The following LANCL2 variants were observed in gnomAD, a reference collection of about 807,000 sequenced individuals.
LANCL2 encodes lanC-like protein 2.
A neutral mutation model predicts 56.9 loss-of-function variants in LANCL2; 33 were observed. The observed-to-expected ratio is 0.58, with a 90% CI of 0.44 to 0.78. The LOEUF is 0.78. LANCL2 is among the 30% of genes least tolerant of loss of function. LANCL2 has a pLI of 0.00. For synonymous variants in LANCL2, 233 were observed against 228.2 expected (o/e 1.02, Z -0.19); for missense variants, 562 against 580.2 (o/e 0.97, Z 0.32).
chr7:55,425,223 T>C (rs748360828), intron 6 of LANCL2, 31 bp from the exon 7 acceptor site: 1 of 1,606,664 alleles, frequency 6.2e-7, no homozygotes, highest in East Asian at 2.2e-5. Context: ...AAACTGTCTT[T>C]TTAACACTGC....
intron 2 of LANCL2, among the ~76,000 whole-genome samples, chr7:55,395,457 A>G (rs2128993139): frequency 6.6e-6 from 1 of 152,318 alleles, no homozygotes; most frequent in African/African-American, 2.4e-5. Context: ...TAAAGAAAAG[A>G]TAAAAAATCA....
intron 7 of LANCL2, among the ~76,000 whole-genome samples, chr7:55,427,712 G>C (rs1790680145): frequency 6.6e-6 from 1 of 152,220 alleles, no homozygotes; most frequent in Non-Finnish European, 1.5e-5. Context: ...TACTCCTCAT[G>C]TTTATTACTT....
At chr7:55,424,485 AG>A (rs762455501) in intron 6 of LANCL2, among the ~76,000 whole-genome samples, 7 of 152,180 alleles carry the variant, frequency 4.6e-5, no homozygotes, top group Non-Finnish European at 1.0e-4. Context: ...CCCTGCTAAC[AG>A]GGCCTCACTC....
At chr7:55,376,914 A>T (rs1159667829) in intron 1 of LANCL2, among the ~76,000 whole-genome samples, 2 of 152,236 alleles carry the variant, frequency 1.3e-5, no homozygotes, top group African/African-American at 4.8e-5. Context: ...CTAATCATCT[A>T]CATTTTATTT....
intron 1 of LANCL2, among the ~76,000 whole-genome samples, chr7:55,376,389 A>T (rs1790002932): frequency 1.3e-5 from 2 of 152,206 alleles, no homozygotes; most frequent in African/African-American, 4.8e-5. Context: ...ACAGCCCTGC[A>T]AAGCAAGCTC....
intron 1 of LANCL2, among the ~76,000 whole-genome samples, chr7:55,370,796 A>G (rs1335116499): frequency 1.3e-5 from 2 of 152,106 alleles, no homozygotes; most frequent in African/African-American, 2.4e-5. Context: ...GCATGACTGG[A>G]GAAGAGGGAG....
chr7:55,380,660 G>A (rs13239846), intron 1 of LANCL2, among the ~76,000 whole-genome samples: 41,815 of 151,482 alleles, frequency 0.28, 6,373 homozygotes, highest in Non-Finnish European at 0.35. Flanking sequence ...TATAGAGTGC[G>A]TTACAGTGAG....
chr7:55,408,042 A>T (rs1168829074), intron 5 of LANCL2, among the ~76,000 whole-genome samples: 2 of 152,268 alleles, frequency 1.3e-5, no homozygotes, highest in Non-Finnish European at 2.9e-5. Context: ...ACAAAGAGAA[A>T]GCAGGAAGTG....
At chr7:55,378,550 GTGTGTA>G (rs780946900) in intron 1 of LANCL2, among the ~76,000 whole-genome samples, 4 of 143,014 alleles carry the variant, frequency 2.8e-5, no homozygotes, top group Non-Finnish European at 6.3e-5. Context: ...GTGTGTGTGT[GTGTGTA>G]TGTAAATAAA....
At chr7:55,416,483 T>C (rs1790541197) in intron 6 of LANCL2, among the ~76,000 whole-genome samples, 1 of 151,990 alleles carries the variant, frequency 6.6e-6, no homozygotes, top group East Asian at 1.9e-4. Context: ...GGTCTTGTTT[T>C]TTGCCCAGGC....
chr7:55,379,194 A>T lies in LANCL2; in HGVS notation c.205-12599A>T, dbSNP rs1583743689. On this transcript the variant is annotated intron_variant, in intron 1 of 8. Coordinates refer to ENST00000254770, the MANE Select transcript of LANCL2 (RefSeq NM_018697.4). The stretch of plus-strand genomic sequence containing the variant: ...AAAACTCCAGTATCATTTATGAGGA[A>T]TGAAGGGTTAGTAGCATATGCTTTG... Among the ~76,000 whole-genome samples, 4 of 152,290 alleles carry T rather than the reference A, an allele frequency of 2.6e-5. No homozygotes were observed. The South Asian group carries it at 8.3e-4, about 32-fold the overall frequency.
At chr7:55,417,985 T>G (rs1790564505) in intron 6 of LANCL2, among the ~76,000 whole-genome samples, 2 of 152,120 alleles carry the variant, frequency 1.3e-5, no homozygotes, top group South Asian at 4.1e-4. Context: ...TGGCCAGAAC[T>G]GACATCTTAA....
chr7:55,373,845 G>A (rs1321444970), intron 1 of LANCL2, among the ~76,000 whole-genome samples: 1 of 152,234 alleles, frequency 6.6e-6, no homozygotes, highest in Non-Finnish European at 1.5e-5. Flanking sequence ...TGCTTTGGGA[G>A]TTCTGGGTGA....
intron 1 of LANCL2, among the ~76,000 whole-genome samples, chr7:55,373,330 T>G (rs189793149): frequency 0.012 from 1,813 of 151,920 alleles, 39 homozygotes; most frequent in African/African-American, 0.04. Context: ...TCATTCTGTT[T>G]CCCAGACTGG....
At position 55,425,369 on chromosome 7, in the gene LANCL2, A is replaced by G. The variant is rs751316049; in HGVS notation, c.1124A>G (p.Tyr375Cys). Reference sequence around the variant, plus strand: ...TGCCATGGGACTGCTGGCAACGGCTATTCCTTCCTGTCCCTTTACCGTCTC... The same window carrying G: ...TGCCATGGGACTGCTGGCAACGGCTGTTCCTTCCTGTCCCTTTACCGTCTC... ...GICHGTAGNG[Y>C]SFLSLYRLTQ... Residue 375 changes from tyrosine to cysteine, a missense_variant, in exon 7 of 9, where the codon TAT becomes TGT. This residue lies in a region of LANCL2 where 378 missense variants were observed against 468.4 expected (regional missense o/e 0.81). Coordinates refer to ENST00000254770, the MANE Select transcript of LANCL2 (RefSeq NM_018697.4). 2 of 1,614,172 alleles carry G rather than the reference A, an allele frequency of 1.2e-6. No individual in the cohort carries two copies. The highest frequency in any genetic ancestry group is 1.1e-5 in the South Asian group (1 of 91,082).
intron 1 of LANCL2, among the ~76,000 whole-genome samples, chr7:55,376,345 T>C (rs940607886): frequency 1.3e-5 from 2 of 152,198 alleles, no homozygotes; most frequent in Non-Finnish European, 2.9e-5. Flanking sequence ...TGCATTCCTT[T>C]CATGGGGCTC....
intron 5 of LANCL2, among the ~76,000 whole-genome samples, chr7:55,407,425 C>T (rs993984647): frequency 1.3e-5 from 2 of 152,190 alleles, no homozygotes; most frequent in Admixed American, 6.5e-5. Flanking sequence ...TTCATAAGTA[C>T]AGGTATTTGA....
At position 55,365,933 on chromosome 7, in the gene LANCL2, T is replaced by C. The variant is rs1789855404; in HGVS notation, c.-93T>C. ...GCCTCGCTCCTCCTAGAGGACGCTCTCTGCGCGGGCCCTCGGAGGAGGCGG... is the reference window on the plus strand; with the variant it reads ...GCCTCGCTCCTCCTAGAGGACGCTCCCTGCGCGGGCCCTCGGAGGAGGCGG... On this transcript the variant is annotated 5_prime_UTR_variant, in exon 1 of 9. Transcript: ENST00000254770. 1 of 1,045,538 alleles carries C rather than the reference T, an allele frequency of 9.6e-7. No individual in the cohort carries two copies. The highest frequency in any genetic ancestry group is 3.8e-5 in the Admixed American group (1 of 26,198). 64.8% of individuals were successfully genotyped at this position (1,045,538 alleles called of 1,614,324 possible).
At chr7:55,428,031 G>C (rs908354501) in intron 7 of LANCL2, 3 of 233,422 alleles carry the variant, frequency 1.3e-5, no homozygotes, top group African/African-American at 2.2e-5. Context: ...AGGGTTTTTT[G>C]TTCAGGATAG....
Sources: allele counts gnomAD v4.1 joint callset (sites outside exome capture counted in the v4.1 genomes callset), GRCh38; gene constraint gnomAD v4.1.1; regional missense constraint gnomAD v4.1.1; transcripts MANE v1.5; gene names NCBI Gene and HGNC (gene_info 2026-07-23, HGNC 2026-07-21).